The following RIMKLB variants were observed in gnomAD, a reference collection of about 807,000 sequenced individuals.
The protein encoded by RIMKLB is ribosomal modification protein rimK like family member B.
Under a neutral mutation model 32.0 loss-of-function variants are expected in RIMKLB, and 7 were observed. That is an observed-to-expected ratio of 0.22 (90% CI 0.12 to 0.41). The LOEUF (loss-of-function observed/expected upper bound fraction) is 0.41. RIMKLB is among the 10% of genes least tolerant of loss of function. The pLI is 1.00. For missense variants in RIMKLB, 289 were observed against 498.7 expected, an observed-to-expected ratio of 0.58 and a Z score of 4.00; for synonymous variants, 172 against 185.1, an observed-to-expected ratio of 0.93 and a Z score of 0.57.
intron 2 of RIMKLB, among the ~76,000 whole-genome samples, chr12:8,748,415 A>G (rs114365968): frequency 0.011 from 1,684 of 152,096 alleles, 26 homozygotes; most frequent in African/African-American, 0.039. Flanking sequence ...ATGTGTGTAT[A>G]GGAAAAAAAA....
At chr12:8,768,387 C>G (rs750386987) in intron 5 of RIMKLB, among the ~76,000 whole-genome samples, 1 of 152,260 alleles carries the variant, frequency 6.6e-6, no homozygotes, top group South Asian at 2.1e-4. Flanking sequence ...CAAACACGGA[C>G]CACAAGTGTG....
At chr12:8,758,518 T>A (rs1018822447) in intron 5 of RIMKLB, among the ~76,000 whole-genome samples, 5 of 152,182 alleles carry the variant, frequency 3.3e-5, no homozygotes, top group African/African-American at 1.2e-4. Flanking sequence ...TTCTTTTTTT[T>A]GATTATAGAT....
chr12:8,687,252 C>G (rs987758933), intron 1 of RIMKLB, among the ~76,000 whole-genome samples: 1 of 152,124 alleles, frequency 6.6e-6, no homozygotes, highest in Non-Finnish European at 1.5e-5. Flanking sequence ...AATGTGCTTC[C>G]TCTCTAAGCA....
At chr12:8,767,713 A>G (rs1056402781) in intron 5 of RIMKLB, among the ~76,000 whole-genome samples, 2 of 152,186 alleles carry the variant, frequency 1.3e-5, no homozygotes, top group African/African-American at 2.4e-5. Context: ...TATCCCAGGA[A>G]AATTGAAAGC....
At chr12:8,747,841 C>T (rs1283157785) in intron 2 of RIMKLB, among the ~76,000 whole-genome samples, 6 of 151,882 alleles carry the variant, frequency 4.0e-5, no homozygotes, top group African/African-American at 1.2e-4. Flanking sequence ...CTGCAACCTC[C>T]GCCTCCCGAG....
intron 1 of RIMKLB, among the ~76,000 whole-genome samples, chr12:8,708,257 A>G (rs1944073104): frequency 1.3e-5 from 2 of 152,084 alleles, no homozygotes; most frequent in Admixed American, 6.6e-5. Context: ...GGATTTTCTT[A>G]GTAAGAGGTA....
chr12:8,673,666 G>A, the RIMKLB span, among the ~76,000 whole-genome samples: 1 of 151,538 alleles, frequency 6.6e-6, no homozygotes, highest in Non-Finnish European at 1.5e-5. Flanking sequence ...TACAATCTTG[G>A]CTCACTGCAA....
At chr12:8,717,266 C>T (rs1944954745) in intron 2 of RIMKLB, among the ~76,000 whole-genome samples, 1 of 152,016 alleles carries the variant, frequency 6.6e-6, no homozygotes, top group South Asian at 2.1e-4. Context: ...AACCACAGTT[C>T]TGTACTTTAA....
intron 2 of RIMKLB, among the ~76,000 whole-genome samples, chr12:8,714,497 T>G (rs1944640194): frequency 6.6e-6 from 1 of 152,224 alleles, no homozygotes; most frequent in South Asian, 2.1e-4. Context: ...GTTCTTTGAT[T>G]AGTACTTGAT....
chr12:8,687,840 A>G (rs965092358), intron 1 of RIMKLB, among the ~76,000 whole-genome samples: 5 of 151,366 alleles, frequency 3.3e-5, no homozygotes, highest in African/African-American at 7.3e-5. Flanking sequence ...AAAAAAAAAA[A>G]AGCAGGTGAC....
At chr12:8,779,993 T>C (rs1269400197), downstream of RIMKLB, 2 of 152,232 alleles carry the variant, frequency 1.3e-5, no homozygotes, top group African/African-American at 2.4e-5. Flanking sequence ...ATATACCCAC[T>C]GCTTATATGG....
intron 1 of RIMKLB, among the ~76,000 whole-genome samples, chr12:8,709,486 C>T (rs946654674): frequency 6.6e-6 from 1 of 152,268 alleles, no homozygotes; most frequent in African/African-American, 2.4e-5. Flanking sequence ...CCTGGAGCCT[C>T]TACCTTTGGG....
rs74510756 is a variant in RIMKLB, at chr12:8,751,421, A to G, written c.407-536A>G. ...CATTTGTTTTTGGGCAATAAAAAGA[A>G]TAAGAAAGGAGACTTAACCCAGGAT... On this transcript the variant is annotated intron_variant, in intron 3 of 5. Transcript: ENST00000535829. Among the ~76,000 whole-genome samples the G allele has an allele frequency of 9.3e-4, 141 of 152,346 alleles. 2 individuals carry two copies. The East Asian group carries it at 0.017, about 18-fold the overall frequency.
upstream of RIMKLB, chr12:8,697,465 G>C (rs1354126121): frequency 6.5e-6 from 1 of 152,748 alleles, no homozygotes; most frequent in Non-Finnish European, 1.5e-5. Context: ...TGCGCCCGAG[G>C]GGGTAGGGGG....
At chr12:8,673,622 G>T in the RIMKLB span, among the ~76,000 whole-genome samples, 6 of 151,068 alleles carry the variant, frequency 4.0e-5, no homozygotes, top group African/African-American at 1.5e-4. Flanking sequence ...TTGAGATGGA[G>T]TCTTGCTCTG....
chr12:8,686,963 CTAAG>C (rs757868178), intron 1 of RIMKLB, among the ~76,000 whole-genome samples: 62 of 152,290 alleles, frequency 4.1e-4, no homozygotes, highest in African/African-American at 1.5e-3. Flanking sequence ...AGCTCTTTCT[CTAAG>C]GATTTCAATC....
At chr12:8,770,489 A>G (rs1950317863) in intron 5 of RIMKLB, among the ~76,000 whole-genome samples, 1 of 152,140 alleles carries the variant, frequency 6.6e-6, no homozygotes, top group Admixed American at 6.6e-5. Flanking sequence ...CCTATATTGC[A>G]AAGTACTCAC....
At chr12:8,782,032 T>G (rs918828867), downstream of RIMKLB, among the ~76,000 whole-genome samples, 6 of 151,442 alleles carry the variant, frequency 4.0e-5, no homozygotes, top group African/African-American at 1.2e-4. Flanking sequence ...CTTTTTTCCT[T>G]GAGACAGGGT....
intron 2 of RIMKLB, among the ~76,000 whole-genome samples, chr12:8,728,986 A>G (rs1403651608): frequency 6.6e-6 from 1 of 151,884 alleles, no homozygotes; most frequent in Non-Finnish European, 1.5e-5. Context: ...TCCACCCCTC[A>G]TGGGAGGGGG....
Sources: gnomAD v4.1 joint callset for allele counts (sites outside exome capture counted in the v4.1 genomes callset) on GRCh38, gnomAD v4.1.1 for gene constraint, MANE v1.5 for transcripts, NCBI Gene and HGNC (gene_info 2026-07-23, HGNC 2026-07-21) for gene names.